Variants in HIVEP3 observed in about 807,000 individuals in gnomAD.
The protein encoded by HIVEP3 is transcription factor HIVEP3.
A neutral mutation model predicts 152.8 loss-of-function variants in HIVEP3; 49 were observed. The observed-to-expected ratio is 0.32, with a 90% CI of 0.26 to 0.41. The LOEUF (loss-of-function observed/expected upper bound fraction) is 0.41. HIVEP3 is among the 10% of genes least tolerant of loss of function. The pLI, the probability that HIVEP3 is intolerant of heterozygous loss-of-function variation, is 1.00. For missense variants in HIVEP3, 2,790 were observed against 3,103.3 expected, an observed-to-expected ratio of 0.90 and a Z score of 2.40; for synonymous variants, 1,269 against 1,289.0, an observed-to-expected ratio of 0.98 and a Z score of 0.33.
At chr1:41,790,332 C>G (rs1649616735) in intron 1 of HIVEP3, among the ~76,000 whole-genome samples, 1 of 152,178 alleles carries the variant, frequency 6.6e-6, no homozygotes, top group East Asian at 1.9e-4. Flanking sequence ...CCTCTTTGCC[C>G]TCTACCATGA....
At chr1:41,676,060 CT>C (rs564390010) in intron 2 of HIVEP3, among the ~76,000 whole-genome samples, 249 of 146,988 alleles carry the variant, frequency 1.7e-3, no homozygotes, top group African/African-American at 2.5e-3. Flanking sequence ...TCTTTTCTTT[CT>C]TTTTTTTTTT....
chr1:41,721,176 A>G (rs143522470), intron 1 of HIVEP3, among the ~76,000 whole-genome samples: 1 of 152,198 alleles, frequency 6.6e-6, no homozygotes, highest in African/African-American at 2.4e-5. Context: ...GTTGAAAGGT[A>G]GATCTCATGT....
intron 1 of HIVEP3, among the ~76,000 whole-genome samples, chr1:41,875,480 A>G (rs6694263): frequency 0.014 from 2,158 of 152,358 alleles, 40 homozygotes; most frequent in African/African-American, 0.048. Context: ...CCCATGAAAT[A>G]TAAGTCAGAC....
chr1:41,684,705 C>T (rs1325111395), intron 2 of HIVEP3, among the ~76,000 whole-genome samples: 2 of 152,208 alleles, frequency 1.3e-5, no homozygotes, highest in African/African-American at 4.8e-5. Context: ...TTGTAGGTTG[C>T]TTGCAGGATT....
At chr1:41,719,844 G>A (rs956870653) in intron 1 of HIVEP3, among the ~76,000 whole-genome samples, 14 of 152,226 alleles carry the variant, frequency 9.2e-5, no homozygotes, top group Admixed American at 2.6e-4. Flanking sequence ...GAAGTTCAGT[G>A]TCTTGCCTGA....
chr1:41,807,046 C>T (rs1451238674), intron 1 of HIVEP3, among the ~76,000 whole-genome samples: 3 of 152,166 alleles, frequency 2.0e-5, no homozygotes, highest in Non-Finnish European at 4.4e-5. Flanking sequence ...TACGGCTCTC[C>T]TCCTACTCTC....
At chr1:41,858,112 T>C (rs1185477037) in intron 1 of HIVEP3, among the ~76,000 whole-genome samples, 1 of 152,186 alleles carries the variant, frequency 6.6e-6, no homozygotes, top group Non-Finnish European at 1.5e-5. Context: ...TGATCATTCC[T>C]AACATTTACA....
intron 1 of HIVEP3, among the ~76,000 whole-genome samples, chr1:41,706,016 G>A (rs926122386): frequency 6.6e-6 from 1 of 152,182 alleles, no homozygotes; most frequent in Non-Finnish European, 1.5e-5. Flanking sequence ...CAAACACATG[G>A]AAAGGGTTAA....
intron 3 of HIVEP3, among the ~76,000 whole-genome samples, chr1:41,604,059 T>G (rs1237233598): frequency 1.3e-5 from 2 of 152,228 alleles, no homozygotes; most frequent in Non-Finnish European, 2.9e-5. Context: ...GTGGTACAAC[T>G]GGAACTCTTC....
Position 41,584,924 on chromosome 1 carries a change from C to A in HIVEP3, c.-127G>T. 1.1e-6 allele frequency: 1 copy of A among 894,262 alleles called. No homozygotes were observed. Among genetic ancestry groups the A allele is most frequent in the Non-Finnish European group, 1.6e-6 (1 of 640,806 alleles). 55.4% of individuals were successfully genotyped at this position (894,262 alleles called of 1,614,324 possible). A position where few individuals can be genotyped will look rare whatever the true frequency, so the allele number is the denominator to read the frequency against. On this transcript the variant is annotated 5_prime_UTR_variant, in exon 4 of 9. Transcript: ENST00000372583. This position sits in a 1 kb window ranked among gnomAD's most constrained non-coding sequence, Gnocchi z 5.2. Reference sequence around the variant, plus strand: ...TGGTCAAGAGCTGTGGGAGCCAAACCCAAGACGGCTTTGGGAGTTTTTTGC... The same window carrying A: ...TGGTCAAGAGCTGTGGGAGCCAAACACAAGACGGCTTTGGGAGTTTTTTGC...
At chr1:42,021,720 G>C (rs998617577) in intron 1 of HIVEP3, among the ~76,000 whole-genome samples, 4 of 152,162 alleles carry the variant, frequency 2.6e-5, no homozygotes, top group African/African-American at 9.7e-5. Context: ...TACAGAAGTG[G>C]GGAAGAGATT....
intron 3 of HIVEP3, among the ~76,000 whole-genome samples, chr1:41,595,969 CTAG>C (rs1415562133): frequency 6.6e-6 from 1 of 152,074 alleles, no homozygotes; most frequent in East Asian, 1.9e-4. Context: ...TACATCTATC[CTAG>C]TAGTTCTGTC....
At chr1:41,602,927 C>A (rs1341117432) in intron 3 of HIVEP3, among the ~76,000 whole-genome samples, 1 of 151,782 alleles carries the variant, frequency 6.6e-6, no homozygotes, top group Admixed American at 6.6e-5. Context: ...GTTTTCATTT[C>A]TCTTGAGGTA....
intron 1 of HIVEP3, among the ~76,000 whole-genome samples, chr1:41,824,774 T>C (rs58130205): frequency 7.8e-5 from 1 of 12,824 alleles, no homozygotes. Flanking sequence ...TATATATATA[T>C]ATATATATAT....
At chr1:41,905,727 AC>A (rs1220101476) in intron 1 of HIVEP3, among the ~76,000 whole-genome samples, 2 of 152,202 alleles carry the variant, frequency 1.3e-5, no homozygotes, top group Non-Finnish European at 2.9e-5. Flanking sequence ...AAACAGGTCA[AC>A]AGACAATTAG....
At chr1:41,688,628 T>C (rs1411143074) in intron 2 of HIVEP3, among the ~76,000 whole-genome samples, 3 of 152,240 alleles carry the variant, frequency 2.0e-5, no homozygotes, top group African/African-American at 4.8e-5. Flanking sequence ...CACTGTAACA[T>C]AGGGAGACCT....
chr1:41,751,558 G>A (rs1570459148), intron 1 of HIVEP3, among the ~76,000 whole-genome samples: 1 of 152,090 alleles, frequency 6.6e-6, no homozygotes, highest in South Asian at 2.1e-4. Flanking sequence ...AAATGAGCAG[G>A]GTTGACATCA....
At chr1:41,621,164 T>C (rs953168555) in intron 3 of HIVEP3, among the ~76,000 whole-genome samples, 7 of 152,224 alleles carry the variant, frequency 4.6e-5, no homozygotes, top group Admixed American at 1.3e-4. Flanking sequence ...GTCTGAATAA[T>C]ACTTGTGGTG....
At chr1:42,014,481 T>C (rs928455728) in intron 1 of HIVEP3, among the ~76,000 whole-genome samples, 1 of 152,104 alleles carries the variant, frequency 6.6e-6, no homozygotes, top group Non-Finnish European at 1.5e-5. Context: ...AAATCTGAAA[T>C]GATGGCGGGA....
Sources: allele counts gnomAD v4.1 joint callset (sites outside exome capture counted in the v4.1 genomes callset), GRCh38; gene constraint gnomAD v4.1.1; non-coding constraint Gnocchi (gnomAD v3.1); transcripts MANE v1.5; gene names NCBI Gene and HGNC (gene_info 2026-07-23, HGNC 2026-07-21).